The following DOCK3 variants were observed in gnomAD, a reference collection of about 807,000 sequenced individuals.
DOCK3 encodes the protein dedicator of cytokinesis 3.
Under a neutral mutation model 265.6 loss-of-function variants are expected in DOCK3, and 60 were observed. That is an observed-to-expected ratio of 0.23 (90% CI 0.18 to 0.28). DOCK3 has a LOEUF of 0.28. Among genes scored for constraint, DOCK3 ranks in the 10% least tolerant of loss-of-function variants. DOCK3 has a pLI of 1.00. For missense variants in DOCK3, 1,981 were observed against 2,594.3 expected (o/e 0.76, Z 5.14); for synonymous variants, 881 against 938.0 (o/e 0.94, Z 1.11).
At chr3:50,866,277 G>T (rs921477923) in intron 3 of DOCK3, among the ~76,000 whole-genome samples, 6 of 152,054 alleles carry the variant, frequency 3.9e-5, no homozygotes, top group African/African-American at 1.4e-4. Flanking sequence ...ACGAGGTCAG[G>T]AGATTGAGAC....
At chr3:51,291,237 G>A (rs984085840) in intron 27 of DOCK3, among the ~76,000 whole-genome samples, 3 of 151,580 alleles carry the variant, frequency 2.0e-5, no homozygotes, top group Admixed American at 6.6e-5. Flanking sequence ...CACACCTCAA[G>A]GAACTAGTAA....
chr3:50,722,890 G>A (rs1028596984), intron 1 of DOCK3, among the ~76,000 whole-genome samples: 19 of 150,634 alleles, frequency 1.3e-4, no homozygotes, highest in African/African-American at 4.6e-4. Flanking sequence ...TCCCCACTCA[G>A]CCTCCCAAGT....
intron 1 of DOCK3, among the ~76,000 whole-genome samples, chr3:50,729,960 A>G (rs2038091659): frequency 6.6e-6 from 1 of 151,196 alleles, no homozygotes; most frequent in African/African-American, 2.4e-5. Flanking sequence ...TTGGGATTAC[A>G]AGTGCCTGCC....
intron 12 of DOCK3, among the ~76,000 whole-genome samples, chr3:51,174,392 G>A (rs186735541): frequency 1.2e-3 from 178 of 152,212 alleles, no homozygotes; most frequent in African/African-American, 3.3e-3. Flanking sequence ...TCACTTGAAC[G>A]CAGGAGGCGA....
chr3:50,886,498 G>A (rs1272624792), intron 3 of DOCK3, among the ~76,000 whole-genome samples: 1 of 151,262 alleles, frequency 6.6e-6, no homozygotes, highest in Non-Finnish European at 1.5e-5. Context: ...ATGCTGGTGC[G>A]CTGCACCCAC....
intron 10 of DOCK3, among the ~76,000 whole-genome samples, chr3:51,149,429 G>C (rs2107343251): frequency 6.6e-6 from 1 of 152,222 alleles, no homozygotes; most frequent in South Asian, 2.1e-4. Flanking sequence ...GTTTTCAATG[G>C]GAATGCTTCC....
At chr3:50,688,682 C>T (rs1219654128) in intron 1 of DOCK3, among the ~76,000 whole-genome samples, 2 of 152,154 alleles carry the variant, frequency 1.3e-5, no homozygotes, top group East Asian at 3.8e-4. Flanking sequence ...AGGCTGGTCT[C>T]AAACTCCTGA....
At chr3:51,036,519 C>G (rs999715276) in intron 5 of DOCK3, among the ~76,000 whole-genome samples, 1 of 152,104 alleles carries the variant, frequency 6.6e-6, no homozygotes, top group African/African-American at 2.4e-5. Flanking sequence ...CTGTTACTCT[C>G]TCATGGTCAT....
intron 1 of DOCK3, among the ~76,000 whole-genome samples, chr3:50,774,222 C>T (rs999876846): frequency 3.9e-5 from 6 of 151,908 alleles, no homozygotes; most frequent in Non-Finnish European, 7.4e-5. Flanking sequence ...CATTTTTATA[C>T]ACATTTCAGA....
At chr3:51,177,448 G>A (rs917369412) in intron 12 of DOCK3, among the ~76,000 whole-genome samples, 8 of 152,038 alleles carry the variant, frequency 5.3e-5, no homozygotes, top group South Asian at 2.1e-4. Context: ...AAATTTAGGC[G>A]TTCTTTTTGT....
intron 32 of DOCK3, among the ~76,000 whole-genome samples, chr3:51,329,442 T>A (rs905102211): frequency 2.0e-4 from 31 of 151,464 alleles, no homozygotes; most frequent in African/African-American, 3.6e-4. Context: ...AAATTAAATT[T>A]AAAAAAAAAG....
chr3:50,764,810 T>TTAAGA (rs2040764105), intron 1 of DOCK3, among the ~76,000 whole-genome samples: 1 of 152,176 alleles, frequency 6.6e-6, no homozygotes, highest in Non-Finnish European at 1.5e-5. Context: ...TTAAAAGAGT[T>TTAAGA]AGTGTATCTT....
chr3:51,007,161 A>G (rs370068832), intron 5 of DOCK3, among the ~76,000 whole-genome samples: 14 of 152,196 alleles, frequency 9.2e-5, no homozygotes, highest in African/African-American at 3.4e-4. Flanking sequence ...GCTGGGTCAA[A>G]TGGTATTTCT....
At chr3:50,731,187 A>G (rs1301879642) in intron 1 of DOCK3, among the ~76,000 whole-genome samples, 4 of 152,142 alleles carry the variant, frequency 2.6e-5, no homozygotes, top group Admixed American at 2.6e-4. Context: ...CTTAATATTA[A>G]CAATTTAAAT....
intron 49 of DOCK3, among the ~76,000 whole-genome samples, chr3:51,363,264 C>T (rs1246933864): frequency 1.3e-5 from 2 of 152,142 alleles, no homozygotes; most frequent in African/African-American, 2.4e-5. Context: ...ATCCTAGTTC[C>T]CAAGTGAAAG....
chr3:51,292,762 C>G (rs908377352), intron 27 of DOCK3, among the ~76,000 whole-genome samples: 1 of 152,124 alleles, frequency 6.6e-6, no homozygotes, highest in Admixed American at 6.5e-5. Context: ...AGTGCAACCT[C>G]CACCTCCCAG....
chr3:50,764,392 A>G (rs1234747481), intron 1 of DOCK3, among the ~76,000 whole-genome samples: 1 of 152,210 alleles, frequency 6.6e-6, no homozygotes, highest in African/African-American at 2.4e-5. Flanking sequence ...TACAGAATTT[A>G]TACTGTATTA....
At chr3:51,131,379 C>G (rs1394275320) in intron 9 of DOCK3, among the ~76,000 whole-genome samples, 8 of 152,052 alleles carry the variant, frequency 5.3e-5, no homozygotes, top group East Asian at 1.9e-4. Flanking sequence ...GCACAGTTAC[C>G]CTGGTAAAAG....
intron 23 of DOCK3, among the ~76,000 whole-genome samples, chr3:51,265,804 C>T (rs2080129949): frequency 6.6e-6 from 1 of 152,156 alleles, no homozygotes; most frequent in Non-Finnish European, 1.5e-5. Flanking sequence ...AGGATGCCCT[C>T]TCTCACACTC....
Sources: allele counts gnomAD v4.1 joint callset (sites outside exome capture counted in the v4.1 genomes callset), GRCh38; gene constraint gnomAD v4.1.1; transcripts MANE v1.5; gene names NCBI Gene and HGNC (gene_info 2026-07-23, HGNC 2026-07-21).